Variants in IMMP2L observed in about 807,000 individuals in gnomAD.
The protein encoded by IMMP2L is inner mitochondrial membrane peptidase subunit 2.
In IMMP2L, 18 loss-of-function variants were observed where a neutral mutation model predicts 19.3. That is an observed-to-expected ratio of 0.93 (90% CI 0.64 to 1.38). The LOEUF (loss-of-function observed/expected upper bound fraction) is 1.38. IMMP2L is among the 40% of genes most tolerant of loss of function. IMMP2L has a pLI of 0.00. For missense variants in IMMP2L, 233 were observed against 218.2 expected (o/e 1.07, Z -0.43); for synonymous variants, 76 against 73.0 (o/e 1.04, Z -0.21).
chr7:111,411,474 G>A (rs1273630278), intron 3 of IMMP2L: 8 of 485,004 alleles, frequency 1.6e-5, no homozygotes, highest in Non-Finnish European at 3.3e-5. Flanking sequence ...GAAGTCACGG[G>A]CAAGCACGGC....
Position 111,431,977 on chromosome 7 carries a change from A to G in IMMP2L, c.239+55261T>C, listed in dbSNP as rs187690217. 5.9e-4 allele frequency among the ~76,000 whole-genome samples: 90 copies of G among 151,980 alleles called. 5 individuals carry two copies. The highest frequency in any genetic ancestry group is 2.0e-3 in the African/African-American group (84 of 41,262). ...GGAAAACAAAAAGTTAGTACTCAGA[A>G]ATTCATATTTGGTAAACCACTCCAG... On this transcript the variant is annotated intron_variant, in intron 3 of 5. Coordinates refer to ENST00000405709, the MANE Select transcript of IMMP2L (RefSeq NM_032549.4).
rs558929410 is a variant in IMMP2L, at chr7:111,042,036, A to G, written c.240-78471T>C. ...AACTTTGAATGGAGACTGGCATATA[A>G]TAAGTATTACATAGTGTGTGTTAAA... On this transcript the variant is annotated intron_variant, in intron 3 of 5. Coordinates refer to ENST00000405709, the MANE Select transcript of IMMP2L (RefSeq NM_032549.4). 3.8e-3 allele frequency among the ~76,000 whole-genome samples: 572 copies of G among 152,328 alleles called. 4 individuals are homozygous for G. Among genetic ancestry groups the G allele is most frequent in the African/African-American group, 0.013 (554 of 41,572 alleles).
intron 5 of IMMP2L, among the ~76,000 whole-genome samples, chr7:110,682,126 T>C (rs74923294): frequency 0.018 from 2,697 of 152,258 alleles, 83 homozygotes; most frequent in African/African-American, 0.062. Flanking sequence ...TTATGCCTCC[T>C]TGAAAACTCT....
intron 5 of IMMP2L, among the ~76,000 whole-genome samples, chr7:110,833,980 A>C (rs1352790057): frequency 6.6e-6 from 1 of 152,204 alleles, no homozygotes; most frequent in Non-Finnish European, 1.5e-5. Context: ...GAACTAGATC[A>C]ACTAAGTTAT....
At chr7:111,523,928 G>A (rs186636042) in intron 1 of IMMP2L, among the ~76,000 whole-genome samples, 10 of 152,012 alleles carry the variant, frequency 6.6e-5, no homozygotes, top group Admixed American at 2.6e-4. Flanking sequence ...CTTCAATGAC[G>A]TCTTTTGCCT....
chr7:111,224,543 G>A (rs936099487), intron 3 of IMMP2L, among the ~76,000 whole-genome samples: 1 of 152,078 alleles, frequency 6.6e-6, no homozygotes, highest in Admixed American at 6.6e-5. Flanking sequence ...CAATTTGTGT[G>A]CAAAGACTAA....
intron 5 of IMMP2L, among the ~76,000 whole-genome samples, chr7:110,704,593 T>C (rs1794518134): frequency 1.3e-5 from 2 of 152,248 alleles, no homozygotes; most frequent in Admixed American, 6.5e-5. Context: ...TTAGACTGCA[T>C]GGTAAGCTAT....
At chr7:110,697,913 G>A (rs145191714) in intron 5 of IMMP2L, among the ~76,000 whole-genome samples, 1 of 152,290 alleles carries the variant, frequency 6.6e-6, no homozygotes, top group East Asian at 1.9e-4. Context: ...TTTGTGTAAT[G>A]TATACATGTA....
intron 3 of IMMP2L, among the ~76,000 whole-genome samples, chr7:111,054,988 T>C (rs574722857): frequency 2.6e-4 from 40 of 151,638 alleles, no homozygotes; most frequent in African/African-American, 9.7e-4. Context: ...TGACCACCAC[T>C]AGTAGCACTG....
chr7:110,788,184 A>C lies in IMMP2L; in HGVS notation c.408+98409T>G, dbSNP rs572981595. On this transcript the variant is annotated intron_variant, in intron 5 of 5. Transcript: ENST00000405709. ...CTTTCATCTACTTCCCTTTACAGCC[A>C]AACTCTTCGAAATAGATGTTCACAC... Among the ~76,000 whole-genome samples the C allele has an allele frequency of 1.2e-3, 183 of 152,084 alleles. 1 individual carries two copies. The highest frequency in any genetic ancestry group is 2.0e-3 in the Non-Finnish European group (138 of 67,960).
chr7:111,256,563 G>A (rs1210411345), intron 3 of IMMP2L, among the ~76,000 whole-genome samples: 1 of 152,008 alleles, frequency 6.6e-6, no homozygotes, highest in Non-Finnish European at 1.5e-5. Flanking sequence ...CAGTTTCATT[G>A]TTAAAAGATG....
intron 3 of IMMP2L, among the ~76,000 whole-genome samples, chr7:111,206,717 T>C (rs142993993): frequency 5.9e-4 from 90 of 152,322 alleles, no homozygotes; most frequent in African/African-American, 2.0e-3. Flanking sequence ...AGTCACTCTA[T>C]TGTGCTATCA....
chr7:111,383,309 G>A (rs549962876), intron 3 of IMMP2L, among the ~76,000 whole-genome samples: 4 of 152,086 alleles, frequency 2.6e-5, no homozygotes, highest in Non-Finnish European at 4.4e-5. Flanking sequence ...CAGATTCCCC[G>A]GACTTCTACT....
intron 3 of IMMP2L, among the ~76,000 whole-genome samples, chr7:111,069,415 G>T (rs1380328600): frequency 1.3e-5 from 2 of 152,122 alleles, no homozygotes; most frequent in Non-Finnish European, 2.9e-5. Flanking sequence ...GACATAAAGA[G>T]AACTGAAACT....
intron 3 of IMMP2L, among the ~76,000 whole-genome samples, chr7:111,113,178 A>G (rs2129584402): frequency 6.6e-6 from 1 of 152,308 alleles, no homozygotes; most frequent in East Asian, 1.9e-4. Flanking sequence ...TTCTCTATCT[A>G]TACTAGGTCA....
intron 3 of IMMP2L, among the ~76,000 whole-genome samples, chr7:111,144,550 G>A (rs1803264739): frequency 6.6e-6 from 1 of 152,060 alleles, no homozygotes; most frequent in Non-Finnish European, 1.5e-5. Context: ...TGTTCCTACA[G>A]TTTTCACTTC....
At chr7:111,096,040 T>A (rs1739677234) in intron 3 of IMMP2L, among the ~76,000 whole-genome samples, 1 of 152,010 alleles carries the variant, frequency 6.6e-6, no homozygotes, top group Non-Finnish European at 1.5e-5. Context: ...CTCCAAATTT[T>A]GCTTAACATA....
intron 4 of IMMP2L, among the ~76,000 whole-genome samples, chr7:110,890,976 T>C (rs776534539): frequency 1.3e-5 from 2 of 151,926 alleles, no homozygotes; most frequent in South Asian, 2.1e-4. Context: ...CAAATACATA[T>C]ACACACACAC....
chr7:111,241,844 C>T (rs1381612451), intron 3 of IMMP2L, among the ~76,000 whole-genome samples: 2 of 151,502 alleles, frequency 1.3e-5, no homozygotes, highest in African/African-American at 4.9e-5. Context: ...AAATACATTA[C>T]AGTGGGAAAA....
Sources: allele counts gnomAD v4.1 joint callset (sites outside exome capture counted in the v4.1 genomes callset), GRCh38; gene constraint gnomAD v4.1.1; transcripts MANE v1.5; gene names NCBI Gene and HGNC (gene_info 2026-07-23, HGNC 2026-07-21).